The following PPHLN1 variants were observed in gnomAD, a reference collection of about 807,000 sequenced individuals.
PPHLN1 encodes periphilin-1.
PPHLN1 carries 29 observed loss-of-function variants against 51.3 expected under a neutral mutation model. The ratio of observed to expected loss-of-function variants is 0.57; its 90% CI spans 0.42 to 0.77. The LOEUF (loss-of-function observed/expected upper bound fraction) is 0.77. PPHLN1 is among the 30% of genes least tolerant of loss of function. PPHLN1 has a pLI of 0.00. For synonymous variants in PPHLN1, 147 were observed against 147.8 expected, an observed-to-expected ratio of 0.99 and a Z score of 0.04; for missense variants, 436 against 438.4, an observed-to-expected ratio of 0.99 and a Z score of 0.05.
intron 3 of PPHLN1, among the ~76,000 whole-genome samples, chr12:42,353,112 A>C (rs1024302002): frequency 2.6e-5 from 4 of 151,966 alleles, no homozygotes; most frequent in Non-Finnish European, 5.9e-5. Flanking sequence ...GTTAGCTGCT[A>C]TTATTACTAT....
intron 9 of PPHLN1, among the ~76,000 whole-genome samples, chr12:42,401,213 A>C (rs1237791055): frequency 6.6e-6 from 1 of 152,182 alleles, no homozygotes; most frequent in Non-Finnish European, 1.5e-5. Context: ...GTGCCTGAAA[A>C]TATTTTTTAA....
chr12:42,416,462 C>T (rs2080394775), intron 9 of PPHLN1, among the ~76,000 whole-genome samples: 1 of 152,124 alleles, frequency 6.6e-6, no homozygotes, highest in South Asian at 2.1e-4. Context: ...AACAATACTG[C>T]CCTTACTTCA....
chr12:42,404,208 A>G (rs1457833219), intron 9 of PPHLN1, among the ~76,000 whole-genome samples: 2 of 152,190 alleles, frequency 1.3e-5, no homozygotes, highest in African/African-American at 2.4e-5. Flanking sequence ...CAGCTTTGCA[A>G]TATTGATTAC....
Position 42,366,224 on chromosome 12 carries a change from C to CTTT in PPHLN1, c.300-8620_300-8618dup, listed in dbSNP as rs34689856. 1.9e-3 allele frequency among the ~76,000 whole-genome samples: 215 copies of CTTT among 111,150 alleles called. 6 individuals carry two copies. Among genetic ancestry groups the CTTT allele is most frequent in the African/African-American group, 2.2e-3 (63 of 28,654 alleles). The allele number at this position is 111,150 out of a possible 152,430, so 72.9% of individuals were successfully genotyped here. On this transcript the variant is annotated intron_variant, in intron 4 of 9. Coordinates refer to ENST00000358314, the MANE Select transcript of PPHLN1 (RefSeq NM_201439.2). ...TACAGCTAACCACTAGTACCGGACA[C>CTTT]TTTTTTTTTTTTTTTTTTTTTGAGA...
chr12:42,435,889 T>A (rs2082436163), intron 9 of PPHLN1, among the ~76,000 whole-genome samples: 1 of 152,198 alleles, frequency 6.6e-6, no homozygotes, highest in Non-Finnish European at 1.5e-5. Flanking sequence ...TAGAATTGTC[T>A]GCAGTGATGA....
intron 2 of PPHLN1, among the ~76,000 whole-genome samples, chr12:42,342,435 A>G (rs981899995): frequency 6.6e-6 from 1 of 152,226 alleles, no homozygotes; most frequent in African/African-American, 2.4e-5. Flanking sequence ...TGGCTTTTAA[A>G]TACATGTAAA....
chr12:42,363,606 T>G (rs1207329598), intron 4 of PPHLN1, among the ~76,000 whole-genome samples: 2 of 151,838 alleles, frequency 1.3e-5, no homozygotes, highest in African/African-American at 4.8e-5. Flanking sequence ...GAAAAGAGAA[T>G]GTGTCAAGTT....
At chr12:42,355,013 T>A (rs889061754) in intron 3 of PPHLN1, 148 bp from the exon 4 acceptor site, 1 of 675,400 alleles carries the variant, frequency 1.5e-6, no homozygotes, top group African/African-American at 1.8e-5. Flanking sequence ...TTTCAGTTGT[T>A]GAAATGGATG....
At chr12:42,336,541 C>G (rs2070696275) in intron 2 of PPHLN1, among the ~76,000 whole-genome samples, 1 of 152,170 alleles carries the variant, frequency 6.6e-6, no homozygotes, top group Non-Finnish European at 1.5e-5. Context: ...GGTGTGCTGT[C>G]CTACTTCTTG....
chr12:42,409,997 T>G (rs1362298244), intron 9 of PPHLN1, among the ~76,000 whole-genome samples: 1 of 152,152 alleles, frequency 6.6e-6, no homozygotes, highest in Non-Finnish European at 1.5e-5. Context: ...TCCAGAAGTT[T>G]CAGATCATAT....
chr12:42,360,458 CTTTTTTTTT>C (rs71084642), intron 4 of PPHLN1, among the ~76,000 whole-genome samples: 8 of 56,292 alleles, frequency 1.4e-4, no homozygotes, highest in South Asian at 8.3e-4. Flanking sequence ...ATGCTGAATT[CTTTTTTTTT>C]TTTTTTTTTT....
intron 8 of PPHLN1, 110 bp downstream of exon 8, chr12:42,393,799 G>A: frequency 1.9e-6 from 2 of 1,062,136 alleles, no homozygotes; most frequent in Non-Finnish European, 2.6e-6. Flanking sequence ...ATATCCTTAT[G>A]GATTACAGGT....
intron 3 of PPHLN1, among the ~76,000 whole-genome samples, chr12:42,352,343 A>G (rs578095744): frequency 6.6e-6 from 1 of 152,008 alleles, no homozygotes; most frequent in South Asian, 2.1e-4. Flanking sequence ...ATTTAAAGGT[A>G]ATCTGTTGTC....
intron 1 of PPHLN1, among the ~76,000 whole-genome samples, chr12:42,326,571 TAAAC>T (rs1054525363): frequency 6.6e-6 from 1 of 152,172 alleles, no homozygotes; most frequent in African/African-American, 2.4e-5. Context: ...AACTACAAAA[TAAAC>T]AGACCTTTTA....
At chr12:42,388,516 A>G (rs1197624947) in intron 7 of PPHLN1, among the ~76,000 whole-genome samples, 1 of 152,106 alleles carries the variant, frequency 6.6e-6, no homozygotes, top group Non-Finnish European at 1.5e-5. Context: ...TCTTGCTGAG[A>G]TAGTGAAAAT....
At chr12:42,374,758 G>A in intron 4 of PPHLN1, 105 bp from the exon 5 acceptor site, 1 of 972,812 alleles carries the variant, frequency 1.0e-6, no homozygotes, top group South Asian at 1.8e-5. Flanking sequence ...CCGGCCCCAA[G>A]AGTACAATTT....
intron 8 of PPHLN1, chr12:42,398,507 A>G (rs1217886065): frequency 5.6e-6 from 1 of 179,442 alleles, no homozygotes; most frequent in African/African-American, 2.4e-5. Flanking sequence ...GAATAGGCCT[A>G]GAGGCTTTGT....
chr12:42,419,509 C>T (rs2139666605), intron 9 of PPHLN1, among the ~76,000 whole-genome samples: 1 of 152,336 alleles, frequency 6.6e-6, no homozygotes, highest in Admixed American at 6.5e-5. Flanking sequence ...GCTGGGATTA[C>T]AGGCGTGAGC....
At chr12:42,358,512 T>C (rs1438101577) in intron 4 of PPHLN1, among the ~76,000 whole-genome samples, 1 of 152,234 alleles carries the variant, frequency 6.6e-6, no homozygotes, top group Non-Finnish European at 1.5e-5. Context: ...TGCCTCAGCC[T>C]GCTGAGTAGC....
Sources: gnomAD v4.1 joint callset for allele counts (sites outside exome capture counted in the v4.1 genomes callset) on GRCh38, gnomAD v4.1.1 for gene constraint, MANE v1.5 for transcripts, NCBI Gene and HGNC (gene_info 2026-07-23, HGNC 2026-07-21) for gene names.